The following LRRIQ1 variants were observed in gnomAD, a reference collection of about 807,000 sequenced individuals.
The protein encoded by LRRIQ1 is leucine rich repeats and IQ motif containing 1, also known as leucine-rich repeat- and IQ domain-containing protein 1.
In LRRIQ1, 210 loss-of-function variants were observed where a neutral mutation model predicts 211.9. That is an observed-to-expected ratio of 0.99 (90% CI 0.89 to 1.11). The LOEUF is 1.11. Among genes scored for constraint, LRRIQ1 ranks in the 50% most tolerant of loss-of-function variants. LRRIQ1 has a pLI of 0.00. For missense variants in LRRIQ1, 2,136 were observed against 1,939.5 expected (o/e 1.10, Z -1.90); for synonymous variants, 699 against 650.1 (o/e 1.08, Z -1.14).
intron 26 of LRRIQ1, among the ~76,000 whole-genome samples, chr12:85,235,229 G>A (rs925421779): frequency 4.6e-5 from 7 of 152,094 alleles, no homozygotes; most frequent in East Asian, 1.9e-4. Context: ...CAGAAGTCAC[G>A]TCAAATATAT....
chr12:85,070,685 T>C (rs753223325), intron 10 of LRRIQ1, among the ~76,000 whole-genome samples: 1 of 151,978 alleles, frequency 6.6e-6, no homozygotes, highest in East Asian at 1.9e-4. Context: ...TGCTCTGTTA[T>C]TCGTTTTGAT....
At chr12:85,078,138 A>AT (rs1346389364) in intron 11 of LRRIQ1, among the ~76,000 whole-genome samples, 1 of 152,134 alleles carries the variant, frequency 6.6e-6, no homozygotes, top group East Asian at 1.9e-4. Flanking sequence ...AATGTATATT[A>AT]ATATTGTTTC....
chr12:85,055,784 A>C lies in LRRIQ1; in HGVS notation c.991A>C (p.Lys331Gln). The change falls in exon 8 of 27, where the codon AAG (lysine) becomes CAG (glutamine). Residue 331 changes from lysine to glutamine, a missense_variant. Transcript: ENST00000393217. ...WKEKEAKIRQ[K>Q]EEENRKRLEE... ...GGAAAAGGAAGCAAAAATACGACAA[A>C]AGGAGGAAGAAAATCGAAAAAGATT... 1 of 1,603,634 alleles carries C rather than the reference A, an allele frequency of 6.2e-7. No homozygotes were observed. The highest frequency in any genetic ancestry group is 8.5e-7 in the Non-Finnish European group (1 of 1,173,786).
At chr12:85,188,990 A>C (rs1476951952) in intron 24 of LRRIQ1, among the ~76,000 whole-genome samples, 1 of 152,152 alleles carries the variant, frequency 6.6e-6, no homozygotes, top group Non-Finnish European at 1.5e-5. Context: ...CTTCATTTTG[A>C]ACTGACGCCT....
intron 24 of LRRIQ1, among the ~76,000 whole-genome samples, chr12:85,191,593 A>C (rs952447828): frequency 6.6e-6 from 1 of 152,046 alleles, no homozygotes; most frequent in Non-Finnish European, 1.5e-5. Flanking sequence ...AGTTGTTCTG[A>C]AGTTTTAACA....
In LRRIQ1 at chr12:85,179,837, C is replaced by T. The variant is rs540403897; in HGVS notation, c.4822+19123C>T. 4.6e-5 allele frequency among the ~76,000 whole-genome samples: 7 copies of T among 151,998 alleles called. No individual in the cohort carries two copies. In the East Asian group the frequency reaches 5.8e-4, roughly 13 times the overall value. On this transcript the variant is annotated intron_variant, in intron 24 of 26. Transcript: ENST00000393217. ...GCCTTTGTCCATGTCTCTGTAACAT[C>T]GTCTGTGACTATGTTTTTATCTATT...
intron 11 of LRRIQ1, among the ~76,000 whole-genome samples, chr12:85,084,053 A>T (rs548946740): frequency 6.6e-6 from 1 of 152,184 alleles, no homozygotes; most frequent in Non-Finnish European, 1.5e-5. Context: ...CCAGTCTCTT[A>T]TGAGTTTTAT....
At chr12:85,148,585 A>G (rs1054043173) in intron 19 of LRRIQ1, among the ~76,000 whole-genome samples, 1 of 151,962 alleles carries the variant, frequency 6.6e-6, no homozygotes, top group East Asian at 1.9e-4. Context: ...TGACTTTGCT[A>G]TTATAAATAG....
chr12:85,153,213 T>TGGTATGGGCAGCTACTAGGGGAG, intron 21 of LRRIQ1, 68 bp downstream of exon 21: 1 of 1,345,268 alleles, frequency 7.4e-7, no homozygotes, highest in Non-Finnish European at 1.0e-6. Context: ...CATACAAAAG[T>TGGTATGGGCAGCTACTAGGGGAG]AGTACAATTA....
intron 1 of LRRIQ1, among the ~76,000 whole-genome samples, chr12:85,250,894 T>A (rs11116755): frequency 0.042 from 3,266 of 77,970 alleles, 528 homozygotes; most frequent in African/African-American, 0.32. Context: ...TATAATATAT[T>A]TTATATATTA....
At chr12:85,247,065 C>G (rs1379681837), downstream of LRRIQ1, among the ~76,000 whole-genome samples, 2 of 151,470 alleles carry the variant, frequency 1.3e-5, no homozygotes, top group Non-Finnish European at 3.0e-5. Context: ...ATCACCTAAA[C>G]ATAGTTATAT....
At chr12:85,166,151 A>G (rs1053779000) in intron 24 of LRRIQ1, among the ~76,000 whole-genome samples, 3 of 152,186 alleles carry the variant, frequency 2.0e-5, no homozygotes, top group African/African-American at 7.2e-5. Flanking sequence ...TGAAACTTCT[A>G]AATTTGCTAC....
intron 26 of LRRIQ1, among the ~76,000 whole-genome samples, chr12:85,235,531 C>T (rs1032756145): frequency 6.6e-6 from 1 of 152,070 alleles, no homozygotes; most frequent in Non-Finnish European, 1.5e-5. Context: ...GAGGACTAGG[C>T]GTTAATAGTC....
In LRRIQ1 at chr12:85,179,835, A is replaced by T. The variant is rs113882747; in HGVS notation, c.4822+19121A>T. Reference sequence around the variant, plus strand: ...AGGCCTTTGTCCATGTCTCTGTAACATCGTCTGTGACTATGTTTTTATCTA... The same window carrying T: ...AGGCCTTTGTCCATGTCTCTGTAACTTCGTCTGTGACTATGTTTTTATCTA... On this transcript the variant is annotated intron_variant, in intron 24 of 26. Coordinates refer to ENST00000393217, the MANE Select transcript of LRRIQ1 (RefSeq NM_001079910.2). Among the ~76,000 whole-genome samples the T allele has an allele frequency of 2.5e-4, 38 of 151,984 alleles. 1 individual carries two copies. The highest frequency in any genetic ancestry group is 9.2e-4 in the African/African-American group (38 of 41,520).
rs375301534 is a variant in LRRIQ1 at position 85,239,095 on chromosome 12, TAA to T, written c.5017-5689_5017-5688del. ...CACTCATAACTGCAAAACACTGCTT[TAA>T]AAAATTTCAGAGACATACCATATTT... On this transcript the variant is annotated intron_variant, in intron 26 of 26. Transcript: ENST00000393217. Among the ~76,000 whole-genome samples the T allele has an allele frequency of 4.1e-4, 62 of 152,212 alleles. No homozygotes were observed. In the South Asian group the frequency reaches 0.012, roughly 31 times the overall value.
chr12:85,038,430 A>T, intron 2 of LRRIQ1, 122 bp downstream of exon 2: 12 of 481,954 alleles, frequency 2.5e-5, no homozygotes, highest in Non-Finnish European at 3.7e-5. Flanking sequence ...AATTTATATA[A>T]ATATAAATTA....
intron 24 of LRRIQ1, among the ~76,000 whole-genome samples, chr12:85,219,851 C>T (rs1409631814): frequency 6.6e-6 from 1 of 151,964 alleles, no homozygotes; most frequent in Non-Finnish European, 1.5e-5. Flanking sequence ...GGTTTCGTGC[C>T]AATGCTGTCA....
At chr12:85,084,830 G>A (rs997148417) in intron 11 of LRRIQ1, among the ~76,000 whole-genome samples, 2 of 151,916 alleles carry the variant, frequency 1.3e-5, no homozygotes, top group Admixed American at 1.3e-4. Context: ...GTAGGCTGAG[G>A]TGGAAGGATC....
intron 11 of LRRIQ1, among the ~76,000 whole-genome samples, chr12:85,073,911 A>T (rs988839484): frequency 6.6e-6 from 1 of 151,984 alleles, no homozygotes; most frequent in Non-Finnish European, 1.5e-5. Context: ...TTATGAAGGG[A>T]GACAAAGATA....
Sources: gnomAD v4.1 joint callset for allele counts (sites outside exome capture counted in the v4.1 genomes callset) on GRCh38, gnomAD v4.1.1 for gene constraint, MANE v1.5 for transcripts, NCBI Gene and HGNC (gene_info 2026-07-23, HGNC 2026-07-21) for gene names.